The following CTIF variants were observed in gnomAD, a reference collection of about 807,000 sequenced individuals.
The protein encoded by CTIF is CBP80/20-dependent translation initiation factor.
A neutral mutation model predicts 66.0 loss-of-function variants in CTIF; 21 were observed. The ratio of observed to expected loss-of-function variants is 0.32; its 90% CI spans 0.23 to 0.46. The LOEUF (loss-of-function observed/expected upper bound fraction) is 0.46, where lower values mean the gene tolerates loss of function less well. CTIF is among the 20% of genes least tolerant of loss of function. The probability of loss-of-function intolerance (pLI) is 1.00; values close to 1 mark genes in which losing one functional copy is unlikely to be tolerated. For synonymous variants in CTIF, 345 were observed against 326.4 expected (o/e 1.06, Z -0.62); for missense variants, 739 against 812.7 (o/e 0.91, Z 1.10).
intron 1 of CTIF, among the ~76,000 whole-genome samples, chr18:48,610,181 A>G (rs1367378484): frequency 6.6e-6 from 1 of 152,308 alleles, no homozygotes; most frequent in Non-Finnish European, 1.5e-5. Context: ...CCTATAAAAA[A>G]AATTCAAGAG....
chr18:48,714,339 G>T (rs1310059897), intron 7 of CTIF, among the ~76,000 whole-genome samples: 3 of 152,120 alleles, frequency 2.0e-5, no homozygotes, highest in South Asian at 4.1e-4. Context: ...AGATTTGGTG[G>T]ACAAAGGGCA....
intron 6 of CTIF, among the ~76,000 whole-genome samples, chr18:48,700,212 C>T (rs1292825098): frequency 6.6e-6 from 1 of 152,234 alleles, no homozygotes; most frequent in Non-Finnish European, 1.5e-5. Context: ...TTCCCCTGTA[C>T]ATGCTCTCTT....
chr18:48,672,796 T>C (rs2091557009), intron 6 of CTIF, among the ~76,000 whole-genome samples: 1 of 152,070 alleles, frequency 6.6e-6, no homozygotes, highest in Admixed American at 6.6e-5. Flanking sequence ...CAGACCCCCA[T>C]CTCCGGCCCC....
At chr18:48,844,308 G>C (rs911846659) in intron 10 of CTIF, among the ~76,000 whole-genome samples, 1 of 152,232 alleles carries the variant, frequency 6.6e-6, no homozygotes, top group Non-Finnish European at 1.5e-5. Flanking sequence ...ACTGTGAACA[G>C]AACTAGCCCC....
intron 1 of CTIF, among the ~76,000 whole-genome samples, chr18:48,561,480 C>T (rs906882961): frequency 4.6e-5 from 7 of 152,100 alleles, no homozygotes; most frequent in African/African-American, 1.4e-4. Flanking sequence ...CGGAGTCTTT[C>T]GCAGCAAGAC....
At position 48,761,377 on chromosome 18, in the gene CTIF, C is replaced by T. The variant is rs117160953; in HGVS notation, c.1072-13C>T. The T allele has an allele frequency of 6.4e-4, 1,032 of 1,609,612 alleles. 7 individuals are homozygous for T. The East Asian group carries it at 0.021, about 33-fold the overall frequency. On this transcript the variant is annotated splice_polypyrimidine_tract_variant and intron_variant, in intron 8 of 11. Transcript: ENST00000256413. This position sits in a 1 kb window ranked among gnomAD's most constrained non-coding sequence, Gnocchi z 4.2. ...TTCACTCAGGCACATTCATTTGTCT[C>T]CGACACCCCCAGGATGAAGTGGCCG...
chr18:48,633,834 A>C (rs2090765923), intron 2 of CTIF, among the ~76,000 whole-genome samples: 1 of 152,256 alleles, frequency 6.6e-6, no homozygotes, highest in Non-Finnish European at 1.5e-5. Flanking sequence ...TTAGACTTAT[A>C]GCCAAGGTGC....
At chr18:48,636,920 A>G (rs1350233943) in intron 3 of CTIF, among the ~76,000 whole-genome samples, 1 of 152,138 alleles carries the variant, frequency 6.6e-6, no homozygotes, top group Non-Finnish European at 1.5e-5. Context: ...GCTGCGTTCT[A>G]TATATTAACA....
In CTIF at chr18:48,676,203, G is replaced by C. The variant is rs145626309; in HGVS notation, c.507+5459G>C. Among the ~76,000 whole-genome samples the C allele has an allele frequency of 2.1e-3, 322 of 152,302 alleles. 2 individuals carry two copies. Among genetic ancestry groups the C allele is most frequent in the African/African-American group, 7.3e-3 (304 of 41,574 alleles). Reference sequence around the variant, plus strand: ...TCAGGTTCCCGGGCACAGGGCCCTCGGCGCCCTGCGGAAATGCCACCTCCT... The same window carrying C: ...TCAGGTTCCCGGGCACAGGGCCCTCCGCGCCCTGCGGAAATGCCACCTCCT... On this transcript the variant is annotated intron_variant, in intron 6 of 11. Transcript: ENST00000256413.
intron 7 of CTIF, among the ~76,000 whole-genome samples, chr18:48,751,592 ACT>A (rs1420580209): frequency 6.6e-6 from 1 of 152,106 alleles, no homozygotes; most frequent in Non-Finnish European, 1.5e-5. Context: ...CACACAAGAC[ACT>A]CTGGTGGCAG....
chr18:48,819,924 G>A (rs1401077932), intron 10 of CTIF, among the ~76,000 whole-genome samples: 1 of 152,206 alleles, frequency 6.6e-6, no homozygotes, highest in Non-Finnish European at 1.5e-5. Flanking sequence ...CAGGGAGGGT[G>A]GCAAGGCATG....
intron 3 of CTIF, among the ~76,000 whole-genome samples, chr18:48,638,199 C>T (rs1026829681): frequency 5.3e-5 from 8 of 152,100 alleles, no homozygotes; most frequent in Non-Finnish European, 1.2e-4. Flanking sequence ...AAGGAGATTC[C>T]CCTCACTCTT....
rs180773608 is a variant in CTIF, at chr18:48,607,894, C to A, written c.-28-11644C>A. Among the ~76,000 whole-genome samples the A allele has an allele frequency of 2.0e-5, 3 of 152,206 alleles. No homozygotes were observed. The East Asian group carries it at 5.8e-4, about 29-fold the overall frequency. On this transcript the variant is annotated intron_variant, in intron 1 of 11. Coordinates refer to ENST00000256413, the MANE Select transcript of CTIF (RefSeq NM_014772.3). Reference sequence around the variant, plus strand: ...TACTGCTGGTCTGGAGCCTTTTTTTCTTTCTGCTTGCAATGACCTTGCATA... The same window carrying A: ...TACTGCTGGTCTGGAGCCTTTTTTTATTTCTGCTTGCAATGACCTTGCATA...
At chr18:48,657,138 G>C (rs2091258759) in intron 3 of CTIF, among the ~76,000 whole-genome samples, 1 of 152,152 alleles carries the variant, frequency 6.6e-6, no homozygotes, top group African/African-American at 2.4e-5. Context: ...TGGAACCCTA[G>C]TCCTGCAAAA....
intron 9 of CTIF, among the ~76,000 whole-genome samples, chr18:48,800,132 T>C (rs1056743450): frequency 1.3e-5 from 2 of 152,070 alleles, no homozygotes; most frequent in Non-Finnish European, 2.9e-5. Flanking sequence ...GGGGTGAAGG[T>C]GGGGCACCTT....
intron 7 of CTIF, among the ~76,000 whole-genome samples, chr18:48,736,252 C>T (rs1041057945): frequency 1.3e-5 from 2 of 152,116 alleles, no homozygotes; most frequent in African/African-American, 4.8e-5. Flanking sequence ...TATTTCATGT[C>T]TGGGATGAGG....
At chr18:48,626,000 C>CTTTTTTTTTTTTTTTTTTT (rs74174709) in intron 2 of CTIF, among the ~76,000 whole-genome samples, 3 of 109,174 alleles carry the variant, frequency 2.7e-5, no homozygotes, top group African/African-American at 3.9e-5. Flanking sequence ...CTTTTTCTTT[C>CTTTTTTTTTTTTTTTTTTT]TTTTTTTTTT....
intron 1 of CTIF, among the ~76,000 whole-genome samples, chr18:48,569,525 A>G (rs1264557467): frequency 1.3e-5 from 2 of 152,260 alleles, no homozygotes; most frequent in East Asian, 3.8e-4. Context: ...CTTGCTTTAT[A>G]AAAAGATTTC....
chr18:48,576,275 A>G (rs1156730076), intron 1 of CTIF, among the ~76,000 whole-genome samples: 2 of 152,226 alleles, frequency 1.3e-5, no homozygotes, highest in East Asian at 3.8e-4. Context: ...CCAAGGGAGG[A>G]ACACTCAGTG....
Sources: allele counts gnomAD v4.1 joint callset (sites outside exome capture counted in the v4.1 genomes callset), GRCh38; gene constraint gnomAD v4.1.1; non-coding constraint Gnocchi (gnomAD v3.1); transcripts MANE v1.5; gene names NCBI Gene and HGNC (gene_info 2026-07-23, HGNC 2026-07-21).